Variants in ACSS3 observed in about 807,000 individuals in gnomAD.
ACSS3 encodes acyl-CoA synthetase short-chain family member 3, mitochondrial.
Under a neutral mutation model 84.2 loss-of-function variants are expected in ACSS3, and 64 were observed. The observed-to-expected ratio is 0.76, with a 90% CI of 0.62 to 0.94. The LOEUF is 0.94. Among genes scored for constraint, ACSS3 ranks in the 40% least tolerant of loss-of-function variants. ACSS3 has a pLI of 0.00. For synonymous variants in ACSS3, 317 were observed against 310.1 expected (o/e 1.02, Z -0.23); for missense variants, 815 against 867.6 (o/e 0.94, Z 0.76).
chr12:81,251,043 C>T (rs538690049), intron 13 of ACSS3, among the ~76,000 whole-genome samples: 2 of 152,296 alleles, frequency 1.3e-5, no homozygotes, highest in East Asian at 3.9e-4. Flanking sequence ...CACCCACTCT[C>T]AACAATTCTT....
intron 13 of ACSS3, among the ~76,000 whole-genome samples, chr12:81,238,916 T>A (rs1306188050): frequency 1.3e-5 from 2 of 151,772 alleles, no homozygotes. Context: ...AATTTGGTCT[T>A]CCATTTTCTA....
chr12:81,141,763 A>G (rs551355073), intron 4 of ACSS3, among the ~76,000 whole-genome samples: 1 of 152,284 alleles, frequency 6.6e-6, no homozygotes, highest in South Asian at 2.1e-4. Flanking sequence ...GATAATTTGC[A>G]ATTAGTTGCT....
intron 8 of ACSS3, among the ~76,000 whole-genome samples, chr12:81,194,849 T>C (rs926197459): frequency 7.3e-6 from 1 of 137,060 alleles, no homozygotes; most frequent in Non-Finnish European, 1.7e-5. Flanking sequence ...TGGTAGAGAC[T>C]GGGGGATAGT....
At position 81,157,452 on chromosome 12, in the gene ACSS3, C is replaced by T. The variant is rs114254535; in HGVS notation, c.1098+5356C>T. On this transcript the variant is annotated intron_variant, in intron 7 of 15. Coordinates refer to ENST00000548058, the MANE Select transcript of ACSS3 (RefSeq NM_024560.4). ...TCTCCTCTGTTGTTCAGGAACAAGG[C>T]AAGTATTTCCACTCTCACCCTCTAT... Among the ~76,000 whole-genome samples the T allele has an allele frequency of 3.7e-3, 570 of 152,240 alleles. 6 individuals carry two copies. Among genetic ancestry groups the T allele is most frequent in the African/African-American group, 0.013 (545 of 41,544 alleles).
At chr12:81,222,768 C>T (rs934820236) in intron 11 of ACSS3, among the ~76,000 whole-genome samples, 2 of 151,970 alleles carry the variant, frequency 1.3e-5, no homozygotes, top group African/African-American at 4.8e-5. Context: ...GCCATTTTAG[C>T]ACTTCCTAAA....
chr12:81,125,003 A>C (rs1263350884), intron 2 of ACSS3, among the ~76,000 whole-genome samples: 1 of 152,198 alleles, frequency 6.6e-6, no homozygotes, highest in Non-Finnish European at 1.5e-5. Context: ...TCACGAGGTC[A>C]GGAGATCGAA....
chr12:81,252,463 T>C (rs569283025), intron 13 of ACSS3, among the ~76,000 whole-genome samples: 1 of 152,206 alleles, frequency 6.6e-6, no homozygotes, highest in South Asian at 2.1e-4. Context: ...GATGTGCTGT[T>C]GGTTAAAAGT....
chr12:81,206,604 G>A (rs552645262), intron 9 of ACSS3, among the ~76,000 whole-genome samples: 10 of 152,174 alleles, frequency 6.6e-5, no homozygotes, highest in Admixed American at 1.3e-4. Context: ...TAGAGATGGC[G>A]TGACAGCATC....
chr12:81,250,287 A>G (rs1279420377), intron 13 of ACSS3, among the ~76,000 whole-genome samples: 1 of 152,080 alleles, frequency 6.6e-6, no homozygotes, highest in Non-Finnish European at 1.5e-5. Context: ...ATAAAAAGCT[A>G]CCACCCTTCC....
At chr12:81,079,059 T>A (rs1880806080) in intron 1 of ACSS3, among the ~76,000 whole-genome samples, 1 of 152,122 alleles carries the variant, frequency 6.6e-6, no homozygotes, top group African/African-American at 2.4e-5. Flanking sequence ...CTGTGCTAAG[T>A]AGCTTGGATC....
At chr12:81,151,641 CTAA>C (rs1886613900) in intron 5 of ACSS3, 200 bp from the exon 6 acceptor site, 1 of 451,192 alleles carries the variant, frequency 2.2e-6, no homozygotes, top group Non-Finnish European at 3.9e-6. Flanking sequence ...AAAAATGGCA[CTAA>C]TGAGGACAAA....
chr12:81,176,670 G>A (rs982506207), intron 8 of ACSS3, among the ~76,000 whole-genome samples: 4 of 151,924 alleles, frequency 2.6e-5, no homozygotes, highest in African/African-American at 9.7e-5. Flanking sequence ...AAATGAATCA[G>A]TAATAAAAAA....
At chr12:81,122,556 T>C (rs1164412945) in intron 2 of ACSS3, among the ~76,000 whole-genome samples, 1 of 152,210 alleles carries the variant, frequency 6.6e-6, no homozygotes, top group African/African-American at 2.4e-5. Flanking sequence ...CATACTATCA[T>C]ATTATGTTCA....
intron 13 of ACSS3, among the ~76,000 whole-genome samples, chr12:81,246,856 T>C (rs937191454): frequency 6.6e-6 from 1 of 152,200 alleles, no homozygotes; most frequent in Non-Finnish European, 1.5e-5. Context: ...ACCTGGGTGA[T>C]GAAATAATCT....
chr12:81,078,593 A>G (rs2121238944), intron 1 of ACSS3, among the ~76,000 whole-genome samples, 162 bp downstream of exon 1: 1 of 152,260 alleles, frequency 6.6e-6, no homozygotes, highest in South Asian at 2.1e-4. Context: ...TTTCATAGTC[A>G]GTTCTCTTGC....
rs745736357 is a variant in ACSS3 at position 81,134,804 on chromosome 12, G to A, written c.457-12G>A. Reference sequence around the variant, plus strand: ...CAAAATACACTTTACTGATTTAATGGTCTTGGCATAGGTCTCCAAGCTGGC... The same window carrying A: ...CAAAATACACTTTACTGATTTAATGATCTTGGCATAGGTCTCCAAGCTGGC... On this transcript the variant is annotated splice_polypyrimidine_tract_variant and intron_variant, in intron 2 of 15. Transcript: ENST00000548058. The A allele has an allele frequency of 3.9e-6, 6 of 1,525,358 alleles. No individual in the cohort carries two copies. Among genetic ancestry groups the A allele is most frequent in the South Asian group, 2.6e-5 (2 of 76,440 alleles). The allele number at this position is 1,525,358 out of a possible 1,614,324, so 94.5% of individuals were successfully genotyped here.
intron 9 of ACSS3, among the ~76,000 whole-genome samples, chr12:81,210,796 T>C (rs2032560336): frequency 6.6e-6 from 1 of 152,146 alleles, no homozygotes; most frequent in Admixed American, 6.5e-5. Flanking sequence ...CTCTCTCCAG[T>C]CTCCCATTTT....
At position 81,212,277 on chromosome 12, in the gene ACSS3, A is replaced by G. The variant is rs187441852; in HGVS notation, c.1355-4624A>G. Among the ~76,000 whole-genome samples the G allele has an allele frequency of 2.3e-3, 348 of 152,306 alleles. 2 individuals carry two copies. The highest frequency in any genetic ancestry group is 7.8e-3 in the African/African-American group (323 of 41,570). ...AATTTTGGCTACTTTTGTTTATTGT[A>G]TCTCCAGTTCTAACAACAGCACCTA... On this transcript the variant is annotated intron_variant, in intron 9 of 15. Transcript: ENST00000548058.
chr12:81,179,634 G>T (rs2030775038), intron 8 of ACSS3, among the ~76,000 whole-genome samples: 1 of 152,016 alleles, frequency 6.6e-6, no homozygotes, highest in Non-Finnish European at 1.5e-5. Context: ...GCCAGGCGTG[G>T]TGGTGGGTGC....
Sources: gnomAD v4.1 joint callset for allele counts (sites outside exome capture counted in the v4.1 genomes callset) on GRCh38, gnomAD v4.1.1 for gene constraint, MANE v1.5 for transcripts, NCBI Gene and HGNC (gene_info 2026-07-23, HGNC 2026-07-21) for gene names.